The following ELOVL6 variants were observed in gnomAD, a reference collection of about 807,000 sequenced individuals.
ELOVL6 encodes ELOVL fatty acid elongase 6.
A neutral mutation model predicts 31.7 loss-of-function variants in ELOVL6; 8 were observed. The observed-to-expected ratio is 0.25, with a 90% CI of 0.15 to 0.45. The LOEUF (loss-of-function observed/expected upper bound fraction) is 0.45, where lower values mean the gene tolerates loss of function less well. Ranked by LOEUF, ELOVL6 falls within the 20% of genes least tolerant of loss-of-function variation. ELOVL6 has a pLI of 1.00. For synonymous variants in ELOVL6, 101 were observed against 117.7 expected, an observed-to-expected ratio of 0.86 and a Z score of 0.92; for missense variants, 126 against 326.4, an observed-to-expected ratio of 0.39 and a Z score of 4.73.
intron 2 of ELOVL6, chr4:110,060,128 C>T: frequency 6.2e-6 from 1 of 161,220 alleles, no homozygotes; most frequent in Non-Finnish European, 1.3e-5. Flanking sequence ...CTCAAATTTG[C>T]CCTGTGCCCA....
intron 1 of ELOVL6, among the ~76,000 whole-genome samples, chr4:110,135,468 T>G (rs545683422): frequency 6.6e-6 from 1 of 152,160 alleles, no homozygotes; most frequent in Admixed American, 6.5e-5. Flanking sequence ...AAATTATAAT[T>G]TAGTTGGCAA....
intron 1 of ELOVL6, among the ~76,000 whole-genome samples, chr4:110,187,695 TAAAAAAAA>T (rs138104384): frequency 7.7e-6 from 1 of 130,122 alleles, no homozygotes; most frequent in Non-Finnish European, 1.6e-5. Flanking sequence ...AAACTCCATC[TAAAAAAAA>T]AAAAAAAAAA....
At chr4:110,118,973 AT>A (rs1476701027) in intron 1 of ELOVL6, among the ~76,000 whole-genome samples, 1 of 152,194 alleles carries the variant, frequency 6.6e-6, no homozygotes, top group East Asian at 1.9e-4. Context: ...AGGTAGGTGA[AT>A]GGCTTTAGCT....
intron 3 of ELOVL6, among the ~76,000 whole-genome samples, chr4:110,052,644 T>C (rs762749815): frequency 1.3e-5 from 2 of 152,228 alleles, no homozygotes; most frequent in Non-Finnish European, 2.9e-5. Flanking sequence ...GGGTAGATGC[T>C]ATGTATCTGC....
At chr4:110,121,976 C>T (rs975996916) in intron 1 of ELOVL6, among the ~76,000 whole-genome samples, 9 of 152,116 alleles carry the variant, frequency 5.9e-5, no homozygotes, top group African/African-American at 2.2e-4. Flanking sequence ...TGTTTGCCTA[C>T]TTTGCTATAT....
chr4:110,101,713 A>G (rs1756747958), intron 2 of ELOVL6, among the ~76,000 whole-genome samples: 1 of 152,090 alleles, frequency 6.6e-6, no homozygotes, highest in South Asian at 2.1e-4. Flanking sequence ...TCACTCTGCT[A>G]CCCAGGTTTG....
chr4:110,155,655 G>A (rs550753709), intron 1 of ELOVL6, among the ~76,000 whole-genome samples: 1 of 152,092 alleles, frequency 6.6e-6, no homozygotes, highest in South Asian at 2.1e-4. Flanking sequence ...TCTAGACCCC[G>A]AGACAGTTCA....
intron 2 of ELOVL6, among the ~76,000 whole-genome samples, chr4:110,087,103 C>T (rs1261004330): frequency 1.3e-5 from 2 of 152,048 alleles, no homozygotes; most frequent in Non-Finnish European, 2.9e-5. Flanking sequence ...GGTGTTCTTA[C>T]AAATTTGGGA....
At chr4:110,090,389 ATT>A (rs1480288536) in intron 2 of ELOVL6, among the ~76,000 whole-genome samples, 2 of 152,092 alleles carry the variant, frequency 1.3e-5, no homozygotes, top group African/African-American at 4.8e-5. Context: ...CTCTATTCAT[ATT>A]TTTGTCAACC....
chr4:110,151,623 G>T (rs1758281744), intron 1 of ELOVL6, among the ~76,000 whole-genome samples: 2 of 152,168 alleles, frequency 1.3e-5, no homozygotes, highest in African/African-American at 4.8e-5. Flanking sequence ...TTTACCAAAA[G>T]GCCAATAATG....
At chr4:110,166,604 C>T (rs1479767358) in intron 1 of ELOVL6, among the ~76,000 whole-genome samples, 4 of 152,000 alleles carry the variant, frequency 2.6e-5, no homozygotes, top group African/African-American at 7.3e-5. Flanking sequence ...AGTGAAACTC[C>T]GTCTCAAAAA....
chr4:110,072,310 T>C (rs1439772822), intron 2 of ELOVL6, among the ~76,000 whole-genome samples: 1 of 152,200 alleles, frequency 6.6e-6, no homozygotes, highest in East Asian at 1.9e-4. Context: ...ACGCTGTCTC[T>C]ACTAAAAATA....
intron 1 of ELOVL6, among the ~76,000 whole-genome samples, chr4:110,136,076 T>C (rs1214467514): frequency 6.6e-6 from 1 of 152,224 alleles, no homozygotes; most frequent in African/African-American, 2.4e-5. Context: ...TCACAAAGAC[T>C]GCATGTTCAT....
chr4:110,117,924 A>ATATATATATC (rs1357550939), intron 1 of ELOVL6: 4 of 22,632 alleles, frequency 1.8e-4, no homozygotes, highest in Non-Finnish European at 2.7e-4. Context: ...ATATATATAT[A>ATATATATATC]TCTCCCCAGA....
chr4:110,159,930 AATTTC>A (rs1383178765), intron 1 of ELOVL6, among the ~76,000 whole-genome samples: 6 of 152,190 alleles, frequency 3.9e-5, no homozygotes, highest in Non-Finnish European at 8.8e-5. Context: ...GGCTAAAAAA[AATTTC>A]CTTTCCTGTG....
chr4:110,151,515 C>T (rs953066263), intron 1 of ELOVL6, among the ~76,000 whole-genome samples: 2 of 151,976 alleles, frequency 1.3e-5, no homozygotes, highest in Non-Finnish European at 2.9e-5. Context: ...CAATTTGTAC[C>T]ATTGTTATAT....
rs116663050 is a variant in ELOVL6, at chr4:110,132,189, G to A, written c.90-26561C>T. Among the ~76,000 whole-genome samples, 1,492 of 152,210 alleles carry A rather than the reference G, an allele frequency of 9.8e-3. 19 individuals are homozygous for A. The highest frequency in any genetic ancestry group is 0.033 in the African/African-American group (1,390 of 41,524). ...CCATGAAGGGTTTTAAGTAAGGGAG[G>A]AGGAGCGTGCTGAGATTAAATTTGT... is the stretch of plus-strand genomic sequence containing the variant. On this transcript the variant is annotated intron_variant, in intron 1 of 3. Transcript: ENST00000302274.
At chr4:110,148,109 CA>C (rs1157605540) in intron 1 of ELOVL6, among the ~76,000 whole-genome samples, 2,982 of 54,970 alleles carry the variant, frequency 0.054, 24 homozygotes, top group African/African-American at 0.098. Flanking sequence ...AACTCGGTCT[CA>C]AAAAAAAAAA....
chr4:110,133,562 T>C (rs1282464409), intron 1 of ELOVL6, among the ~76,000 whole-genome samples: 1 of 151,852 alleles, frequency 6.6e-6, no homozygotes, highest in Non-Finnish European at 1.5e-5. Flanking sequence ...TTGTCACAGG[T>C]GTCAAGGGAG....
Sources: allele counts gnomAD v4.1 joint callset (sites outside exome capture counted in the v4.1 genomes callset), GRCh38; gene constraint gnomAD v4.1.1; transcripts MANE v1.5; gene names NCBI Gene and HGNC (gene_info 2026-07-23, HGNC 2026-07-21).